AKAP7: variants seen among roughly 807,000 people sequenced by gnomAD.
AKAP7 encodes A kinase (PRKA) anchor protein 7.
A neutral mutation model predicts 39.5 loss-of-function variants in AKAP7; 39 were observed. The observed-to-expected ratio is 0.99, with a 90% CI of 0.76 to 1.29. The LOEUF (loss-of-function observed/expected upper bound fraction) is 1.29. Ranked by LOEUF, AKAP7 falls within the 50% of genes most tolerant of loss-of-function variation. AKAP7 has a pLI of 0.00. For synonymous variants in AKAP7, 140 were observed against 139.1 expected, an observed-to-expected ratio of 1.01 and a Z score of -0.05; for missense variants, 414 against 407.7, an observed-to-expected ratio of 1.02 and a Z score of -0.13.
chr6:131,152,807 A>G (rs1303825796), intron 2 of AKAP7, among the ~76,000 whole-genome samples: 1 of 145,594 alleles, frequency 6.9e-6, no homozygotes, highest in Non-Finnish European at 1.5e-5. Flanking sequence ...AGCCTGGGCA[A>G]CAAAGCAAGA....
At chr6:131,164,196 T>G (rs1033992631) in intron 3 of AKAP7, 5 of 318,708 alleles carry the variant, frequency 1.6e-5, no homozygotes, top group Admixed American at 1.3e-4. Flanking sequence ...CTTTCCCTTT[T>G]TTTCTATTGT....
At chr6:131,212,172 C>G (rs544317745) in intron 6 of AKAP7, among the ~76,000 whole-genome samples, 7 of 152,288 alleles carry the variant, frequency 4.6e-5, no homozygotes, top group Middle Eastern at 6.8e-3. Flanking sequence ...TTGAATCATC[C>G]TAAGTCAGGG....
intron 2 of AKAP7, among the ~76,000 whole-genome samples, chr6:131,156,118 C>T (rs559811151): frequency 2.2e-3 from 335 of 152,140 alleles, no homozygotes; most frequent in Non-Finnish European, 2.1e-3. Flanking sequence ...TGCTGTTTTC[C>T]CTTCTATCTT....
chr6:131,127,491 A>G, the AKAP7 span, among the ~76,000 whole-genome samples: 2 of 152,230 alleles, frequency 1.3e-5, no homozygotes, highest in Admixed American at 1.3e-4. Flanking sequence ...GAGGAAAGGA[A>G]ACATTTAAAT....
At chr6:131,228,850 G>A (rs1810406015) in intron 7 of AKAP7, among the ~76,000 whole-genome samples, 1 of 152,156 alleles carries the variant, frequency 6.6e-6, no homozygotes, top group African/African-American at 2.4e-5. Context: ...TGGCCAGTAT[G>A]AATCTAGACA....
chr6:131,132,201 T>C (rs541615687), upstream of AKAP7, among the ~76,000 whole-genome samples: 14 of 152,032 alleles, frequency 9.2e-5, no homozygotes, highest in Non-Finnish European at 2.9e-5. Flanking sequence ...TGGTCCCATC[T>C]ACTCGGGAAG....
At chr6:131,243,177 C>T (rs1033396229) in intron 7 of AKAP7, among the ~76,000 whole-genome samples, 10 of 152,086 alleles carry the variant, frequency 6.6e-5, no homozygotes, top group African/African-American at 1.7e-4. Context: ...GTGACACTAC[C>T]ATAGCTTATA....
At chr6:131,165,363 A>G (rs1405750833) in intron 4 of AKAP7, 146 bp downstream of exon 4, 1 of 571,258 alleles carries the variant, frequency 1.8e-6, no homozygotes, top group Admixed American at 3.6e-5. Context: ...ATACAGAATA[A>G]ACTGTATAAA....
At chr6:131,205,805 C>T (rs1808041907) in intron 6 of AKAP7, among the ~76,000 whole-genome samples, 1 of 152,104 alleles carries the variant, frequency 6.6e-6, no homozygotes, top group South Asian at 2.1e-4. Flanking sequence ...CAAAAGGAAT[C>T]ATTATCATTG....
chr6:131,171,751 G>A (rs1171699362), intron 5 of AKAP7, among the ~76,000 whole-genome samples: 2 of 152,188 alleles, frequency 1.3e-5, no homozygotes, highest in African/African-American at 2.4e-5. Context: ...TGAGAATGGA[G>A]AGGGGAAACT....
chr6:131,198,960 T>C (rs1807241156), intron 5 of AKAP7, among the ~76,000 whole-genome samples: 1 of 152,170 alleles, frequency 6.6e-6, no homozygotes, highest in Non-Finnish European at 1.5e-5. Context: ...GGCTGGACTC[T>C]ATCTGTTTCA....
At chr6:131,266,349 A>AGTT (rs1813797897) in intron 7 of AKAP7, among the ~76,000 whole-genome samples, 1 of 152,204 alleles carries the variant, frequency 6.6e-6, no homozygotes, top group African/African-American at 2.4e-5. Flanking sequence ...CAGTTCGTGC[A>AGTT]CATGTGAAGA....
chr6:131,228,088 G>A (rs889150347), intron 7 of AKAP7, among the ~76,000 whole-genome samples: 1 of 152,194 alleles, frequency 6.6e-6, no homozygotes, highest in African/African-American at 2.4e-5. Flanking sequence ...AGGGGCCAGG[G>A]CAGAGATGAG....
At position 131,178,990 on chromosome 6, in the gene AKAP7, G is replaced by T. The variant is rs116305011; in HGVS notation, c.589+9717G>T. Among the ~76,000 whole-genome samples, 1,045 of 152,214 alleles carry T rather than the reference G, an allele frequency of 6.9e-3. 7 individuals carry two copies. The highest frequency in any genetic ancestry group is 0.024 in the African/African-American group (981 of 41,526). ...TTTCTGCCATAGATCTTCTGAAAAT[G>T]CCTGAGTGTTCCTTCTGCTTAGACC... On this transcript the variant is annotated intron_variant, in intron 5 of 7. Coordinates refer to ENST00000431975, the MANE Select transcript of AKAP7 (RefSeq NM_016377.4).
At chr6:131,180,675 C>A (rs1805102996) in intron 5 of AKAP7, among the ~76,000 whole-genome samples, 1 of 152,190 alleles carries the variant, frequency 6.6e-6, no homozygotes, top group African/African-American at 2.4e-5. Flanking sequence ...GGTCAGTAGG[C>A]TATGGCCTAC....
chr6:131,216,123 C>CT (rs1291857964), intron 6 of AKAP7, among the ~76,000 whole-genome samples: 4 of 152,156 alleles, frequency 2.6e-5, no homozygotes, highest in Non-Finnish European at 5.9e-5. Context: ...TTTCGACCTT[C>CT]TTAATATTGA....
At chr6:131,250,454 T>A (rs924093699) in intron 7 of AKAP7, 18 of 1,570,198 alleles carry the variant, frequency 1.1e-5, no homozygotes, top group Middle Eastern at 1.8e-4. Flanking sequence ...CTGCCTGTGC[T>A]GCTCCGTGGA....
At position 131,150,419 on chromosome 6, in the gene AKAP7, G is replaced by C. The variant is rs182481698; in HGVS notation, c.151+5003G>C. On this transcript the variant is annotated intron_variant, in intron 2 of 7. Transcript: ENST00000431975. ...ATACAAAAATGCTATATCAAATAAA[G>C]ATCGAATCTTTGTACTTGATATAGT... Among the ~76,000 whole-genome samples, 298 of 152,146 alleles carry C rather than the reference G, an allele frequency of 2.0e-3. 3 individuals are homozygous for C. The highest frequency in any genetic ancestry group is 1.4e-3 in the Non-Finnish European group (92 of 68,004).
At chr6:131,223,898 T>C (rs1413550019) in intron 7 of AKAP7, among the ~76,000 whole-genome samples, 2 of 152,208 alleles carry the variant, frequency 1.3e-5, no homozygotes, top group Non-Finnish European at 1.5e-5. Context: ...GCCACTGAGA[T>C]TTCGCTTTCA....
Sources: gnomAD v4.1 joint callset for allele counts (sites outside exome capture counted in the v4.1 genomes callset) on GRCh38, gnomAD v4.1.1 for gene constraint, MANE v1.5 for transcripts, NCBI Gene and HGNC (gene_info 2026-07-23, HGNC 2026-07-21) for gene names.